FOXK1: variants seen among roughly 807,000 people sequenced by gnomAD.
The protein encoded by FOXK1 is forkhead box K1.
A neutral mutation model predicts 51.9 loss-of-function variants in FOXK1; 19 were observed. The ratio of observed to expected loss-of-function variants is 0.37; its 90% CI spans 0.26 to 0.54. FOXK1 has a LOEUF of 0.54. Ranked by LOEUF, FOXK1 falls within the 20% of genes least tolerant of loss-of-function variation. The pLI is 0.87. For synonymous variants in FOXK1, 537 were observed against 482.6 expected, an observed-to-expected ratio of 1.11 and a Z score of -1.48; for missense variants, 870 against 1,032.7, an observed-to-expected ratio of 0.84 and a Z score of 2.16.
intron 1 of FOXK1, among the ~76,000 whole-genome samples, chr7:4,693,393 G>A (rs777733743): frequency 2.6e-5 from 4 of 152,140 alleles, no homozygotes; most frequent in Non-Finnish European, 4.4e-5. Context: ...GCAGTTTTAG[G>A]TTCACAGCAA....
chr7:4,714,747 C>G (rs1177497853), intron 1 of FOXK1, among the ~76,000 whole-genome samples: 1 of 152,250 alleles, frequency 6.6e-6, no homozygotes, highest in East Asian at 1.9e-4. Context: ...AAAAGGTATG[C>G]GGTTAAAAAT....
At chr7:4,739,845 G>T (rs1168220969) in intron 1 of FOXK1, among the ~76,000 whole-genome samples, 2 of 152,224 alleles carry the variant, frequency 1.3e-5, no homozygotes, top group Non-Finnish European at 2.9e-5. Context: ...GTCTTCCAGT[G>T]TGTCATTTGA....
In FOXK1 at chr7:4,743,240, A is replaced by G. The variant is rs1370538015; in HGVS notation, c.746+2217A>G. Among the ~76,000 whole-genome samples the G allele has an allele frequency of 1.3e-5, 2 of 152,192 alleles. No homozygotes were observed. Among genetic ancestry groups the G allele is most frequent in the Non-Finnish European group, 2.9e-5 (2 of 68,038 alleles). Reference sequence around the variant, plus strand: ...TGGTGATGGTTATTCAATTTTGTGAATATCCTAAAAGTCACTTTAAAGAGT... The same window carrying G: ...TGGTGATGGTTATTCAATTTTGTGAGTATCCTAAAAGTCACTTTAAAGAGT... On this transcript the variant is annotated intron_variant, in intron 2 of 8. Coordinates refer to ENST00000328914, the MANE Select transcript of FOXK1 (RefSeq NM_001037165.2). The surrounding 1 kb of genome is among the most constrained non-coding windows in gnomAD (Gnocchi z 5.3).
In FOXK1 at chr7:4,762,070, G is replaced by T. The variant is rs1349014128; in HGVS notation, c.1922-114G>T. Reference sequence around the variant, plus strand: ...AAGGGTAGCCGTCCTGCCTGGCAGGGGTGCACTGACCTCCGGTTCCGGCTT... The same window carrying T: ...AAGGGTAGCCGTCCTGCCTGGCAGGTGTGCACTGACCTCCGGTTCCGGCTT... On this transcript the variant is annotated intron_variant, in intron 8 of 8. Coordinates refer to ENST00000328914, the MANE Select transcript of FOXK1 (RefSeq NM_001037165.2). This position sits in a 1 kb window ranked among gnomAD's most constrained non-coding sequence, Gnocchi z 5.7. 2.4e-6 allele frequency: 3 copies of T among 1,253,340 alleles called. No homozygotes were observed. Among genetic ancestry groups the T allele is most frequent in the Non-Finnish European group, 3.3e-6 (3 of 911,466 alleles). The allele number at this position is 1,253,340 out of a possible 1,614,324, so 77.6% of individuals were successfully genotyped here. A position where few individuals can be genotyped will look rare whatever the true frequency, so the allele number is the denominator to read the frequency against.
intron 2 of FOXK1, among the ~76,000 whole-genome samples, chr7:4,752,716 G>C (rs115188199): frequency 6.6e-6 from 1 of 152,244 alleles, no homozygotes; most frequent in African/African-American, 2.4e-5. Flanking sequence ...TGACATTTCA[G>C]TTCTTCCTGC....
In FOXK1 at chr7:4,709,436, T is replaced by A. The variant is rs1211632900; in HGVS notation, c.560+26568T>A. 6.6e-6 allele frequency among the ~76,000 whole-genome samples: 1 copy of A among 152,158 alleles called. No individual in the cohort carries two copies. The highest frequency in any genetic ancestry group is 6.5e-5 in the Admixed American group (1 of 15,282). ...TCCCAAGCGCACAGTCCACATAGGC[T>A]GCTTATCTGGACTCGATGTCTCCGA... is the stretch of plus-strand genomic sequence containing the variant. On this transcript the variant is annotated intron_variant, in intron 1 of 8. Transcript: ENST00000328914. The surrounding 1 kb of genome is among the most constrained non-coding windows in gnomAD (Gnocchi z 5.6).
intron 2 of FOXK1, among the ~76,000 whole-genome samples, chr7:4,744,418 T>C (rs1388134732): frequency 6.6e-6 from 1 of 152,158 alleles, no homozygotes; most frequent in East Asian, 1.9e-4. Context: ...GCCTCCCTGC[T>C]TAGGAGTCCC....
chr7:4,706,036 G>GTATATATACGTGTATATACGTA lies in FOXK1; in HGVS notation c.560+23174_560+23175insTACGTGTATATACGTATATATA, dbSNP rs1562373229. ...TACGTATATATACGTGTATATACGT[G>GTATATATACGTGTATATACGTA]TATATACGTGTATATATGTATATAT... On this transcript the variant is annotated intron_variant, in intron 1 of 8. Transcript: ENST00000328914. 4.7e-3 allele frequency among the ~76,000 whole-genome samples: 593 copies of GTATATATACGTGTATATACGTA among 125,572 alleles called. 70 individuals carry two copies. Among genetic ancestry groups the GTATATATACGTGTATATACGTA allele is most frequent in the African/African-American group, 0.022 (528 of 23,538 alleles). The allele number at this position is 125,572 out of a possible 152,430, so 82.4% of individuals were successfully genotyped here.
chr7:4,705,700 G>A (rs796204941), intron 1 of FOXK1, among the ~76,000 whole-genome samples: 44 of 151,466 alleles, frequency 2.9e-4, no homozygotes, highest in African/African-American at 1.1e-3. Context: ...CACCATGCCC[G>A]GCTAATTTTT....
chr7:4,738,661 A>C (rs1483723644), intron 1 of FOXK1, among the ~76,000 whole-genome samples: 2 of 151,908 alleles, frequency 1.3e-5, no homozygotes, highest in African/African-American at 4.8e-5. Context: ...CCCAAGATTC[A>C]CTCGCTGGGC....
At position 4,758,988 on chromosome 7, in the gene FOXK1, C is replaced by G; in HGVS notation, c.1245-63C>G. 1.9e-5 allele frequency: 29 copies of G among 1,503,596 alleles called. No homozygotes were observed. The highest frequency in any genetic ancestry group is 2.6e-5 in the Non-Finnish European group (29 of 1,128,446). 93.1% of individuals were successfully genotyped at this position (1,503,596 alleles called of 1,614,324 possible). ...GACGGCGCTGAGATGCGTGATGTCT[C>G]GGAAACGTCCTCGCATCCCTCAGCG... is the stretch of plus-strand genomic sequence containing the variant. On this transcript the variant is annotated intron_variant, in intron 5 of 8. Transcript: ENST00000328914. This position sits in a 1 kb window ranked among gnomAD's most constrained non-coding sequence, Gnocchi z 4.4.
rs1422016843 is a variant in FOXK1, at chr7:4,707,902, ACGAACTCCTGCC to A, written c.560+25036_560+25047del. ...TTTCACCATGTTGGCCAGGCTGGTC[ACGAACTCCTGCC>A]CCAAGTGATCCACCCTCCTCAGCCT... On this transcript the variant is annotated intron_variant, in intron 1 of 8. Coordinates refer to ENST00000328914, the MANE Select transcript of FOXK1 (RefSeq NM_001037165.2). This position sits in a 1 kb window ranked among gnomAD's most constrained non-coding sequence, Gnocchi z 4.1. Among the ~76,000 whole-genome samples the A allele has an allele frequency of 1.3e-5, 2 of 151,948 alleles. No individual in the cohort carries two copies. The highest frequency in any genetic ancestry group is 2.4e-5 in the African/African-American group (1 of 41,356).
At chr7:4,739,186 G>T (rs1453877642) in intron 1 of FOXK1, among the ~76,000 whole-genome samples, 1 of 152,198 alleles carries the variant, frequency 6.6e-6, no homozygotes, top group Non-Finnish European at 1.5e-5. Context: ...CTTCATGCAG[G>T]TTCCACTACA....
chr7:4,696,180 G>C (rs1458311383), intron 1 of FOXK1, among the ~76,000 whole-genome samples: 1 of 151,896 alleles, frequency 6.6e-6, no homozygotes, highest in Admixed American at 6.6e-5. Flanking sequence ...AGGAGGGGAG[G>C]CTTCCATTTG....
Position 4,767,775 on chromosome 7 carries a change from G to A in FOXK1, c.*5311G>A, listed in dbSNP as rs941123507. 1.3e-5 allele frequency: 2 copies of A among 151,800 alleles called. No individual in the cohort carries two copies. Among genetic ancestry groups the A allele is most frequent in the Non-Finnish European group, 2.9e-5 (2 of 68,002 alleles). The allele number at this position is 151,800 out of a possible 1,614,324, so 9.4% of individuals were successfully genotyped here. A position where few individuals can be genotyped will look rare whatever the true frequency, so the allele number is the denominator to read the frequency against. The stretch of plus-strand genomic sequence containing the variant: ...TTCATCACATACTTACTGTTTTTTT[G>A]GTTGGGTTTTGATACGAAAAGCTGC... On this transcript the variant is annotated 3_prime_UTR_variant, in exon 9 of 9. Coordinates refer to ENST00000328914, the MANE Select transcript of FOXK1 (RefSeq NM_001037165.2). This position sits in a 1 kb window ranked among gnomAD's most constrained non-coding sequence, Gnocchi z 6.6.
At position 4,762,570 on chromosome 7, in the gene FOXK1, C is replaced by T. The variant is rs571840585; in HGVS notation, c.*106C>T. 496 of 1,201,320 alleles carry T rather than the reference C, an allele frequency of 4.1e-4. 5 individuals are homozygous for T. Among genetic ancestry groups the T allele is most frequent in the African/African-American group, 4.0e-3 (263 of 65,130 alleles). The allele number at this position is 1,201,320 out of a possible 1,614,324, so 74.4% of individuals were successfully genotyped here. Reference sequence around the variant, plus strand: ...ACAGACGGAGGAGAACAGCCCGCGGCGGCCTGTGGGCATCGGCGGCACCTG... The same window carrying T: ...ACAGACGGAGGAGAACAGCCCGCGGTGGCCTGTGGGCATCGGCGGCACCTG... On this transcript the variant is annotated 3_prime_UTR_variant, in exon 9 of 9. Coordinates refer to ENST00000328914, the MANE Select transcript of FOXK1 (RefSeq NM_001037165.2). This position sits in a 1 kb window ranked among gnomAD's most constrained non-coding sequence, Gnocchi z 5.7.
intron 1 of FOXK1, among the ~76,000 whole-genome samples, chr7:4,726,825 C>A (rs1436823208): frequency 6.6e-6 from 1 of 152,232 alleles, no homozygotes; most frequent in Non-Finnish European, 1.5e-5. Context: ...TCTGTGTATT[C>A]ATACATCACC....
At chr7:4,724,798 G>A (rs1477109464) in intron 1 of FOXK1, among the ~76,000 whole-genome samples, 2 of 152,202 alleles carry the variant, frequency 1.3e-5, no homozygotes, top group Non-Finnish European at 2.9e-5. Context: ...GAGAGAGGAG[G>A]GAGGGATGGT....
chr7:4,730,485 G>C lies in FOXK1; in HGVS notation c.561-10353G>C, dbSNP rs1286477560. Among the ~76,000 whole-genome samples the C allele has an allele frequency of 6.6e-6, 1 of 152,232 alleles. No individual in the cohort carries two copies. The highest frequency in any genetic ancestry group is 1.5e-5 in the Non-Finnish European group (1 of 68,042). On this transcript the variant is annotated intron_variant, in intron 1 of 8. Coordinates refer to ENST00000328914, the MANE Select transcript of FOXK1 (RefSeq NM_001037165.2). This position sits in a 1 kb window ranked among gnomAD's most constrained non-coding sequence, Gnocchi z 4.7. Reference sequence around the variant, plus strand: ...GGGACGCAGGCCCAGTGGAGAGGGCGTGGTTTGCAGGCACCAGTGCTGGTT... The same window carrying C: ...GGGACGCAGGCCCAGTGGAGAGGGCCTGGTTTGCAGGCACCAGTGCTGGTT...
Sources: allele counts gnomAD v4.1 joint callset (sites outside exome capture counted in the v4.1 genomes callset), GRCh38; gene constraint gnomAD v4.1.1; non-coding constraint Gnocchi (gnomAD v3.1); transcripts MANE v1.5; gene names NCBI Gene and HGNC (gene_info 2026-07-23, HGNC 2026-07-21).